IL2RA: variants seen among roughly 807,000 people sequenced by gnomAD.
IL2RA encodes interleukin-2 receptor subunit alpha.
Under a neutral mutation model 37.8 loss-of-function variants are expected in IL2RA, and 24 were observed. That is an observed-to-expected ratio of 0.63 (90% CI 0.46 to 0.89). IL2RA has a LOEUF of 0.89. Among genes scored for constraint, IL2RA ranks in the 40% least tolerant of loss-of-function variants. IL2RA has a pLI of 0.00. For missense variants in IL2RA, 319 were observed against 348.6 expected (o/e 0.92, Z 0.68); for synonymous variants, 125 against 114.6 (o/e 1.09, Z -0.58).
chr10:6,051,573 G>A (rs1388345393), intron 1 of IL2RA, among the ~76,000 whole-genome samples: 1 of 142,686 alleles, frequency 7.0e-6, no homozygotes, highest in African/African-American at 2.6e-5. Flanking sequence ...AGGCTGGAGT[G>A]CAGTGGCTCA....
In IL2RA at chr10:6,020,218, C is replaced by T. The variant is rs1839362548; in HGVS notation, c.584-277G>A. ...ATGCTTTCTCCCCAGCCTCCCTCCC[C>T]AGTCCTGGTTTCCATCTGTGACTTG... On this transcript the variant is annotated intron_variant, in intron 4 of 7. Coordinates refer to ENST00000379959, the MANE Select transcript of IL2RA (RefSeq NM_000417.3). This position sits in a 1 kb window ranked among gnomAD's most constrained non-coding sequence, Gnocchi z 5.6. 1.3e-5 allele frequency among the ~76,000 whole-genome samples: 2 copies of T among 152,186 alleles called. No individual in the cohort carries two copies. Among genetic ancestry groups the T allele is most frequent in the African/African-American group, 4.8e-5 (2 of 41,438 alleles).
chr10:6,050,016 G>T (rs141590669), intron 1 of IL2RA, among the ~76,000 whole-genome samples: 2 of 152,296 alleles, frequency 1.3e-5, no homozygotes, highest in East Asian at 3.9e-4. Context: ...TGTGCTGAGG[G>T]AACAGTCTTG....
At chr10:6,051,843 A>ATATATATATATATATATATATG (rs1839968057) in intron 1 of IL2RA, among the ~76,000 whole-genome samples, 2 of 128,064 alleles carry the variant, frequency 1.6e-5, no homozygotes, top group Non-Finnish European at 3.3e-5. Flanking sequence ...ATATATATAT[A>ATATATATATATATATATATATG]GAATTTTTTA....
chr10:6,027,913 A>G (rs1054726739), intron 1 of IL2RA, among the ~76,000 whole-genome samples: 5 of 152,324 alleles, frequency 3.3e-5, no homozygotes, highest in African/African-American at 1.2e-4. Context: ...CAAGACATGG[A>G]TAATAATCAG....
At chr10:6,043,937 C>T (rs982709456) in intron 1 of IL2RA, among the ~76,000 whole-genome samples, 2 of 152,208 alleles carry the variant, frequency 1.3e-5, no homozygotes, top group Non-Finnish European at 2.9e-5. Context: ...TAATTCTTTA[C>T]CAAAGCTTCT....
chr10:6,053,296 C>A (rs988956993), intron 1 of IL2RA, among the ~76,000 whole-genome samples: 1 of 152,138 alleles, frequency 6.6e-6, no homozygotes, highest in South Asian at 2.1e-4. Context: ...CCACAGTTCA[C>A]CAGGCAGAAA....
intron 1 of IL2RA, 62 bp downstream of exon 1, chr10:6,062,026 G>A: frequency 7.4e-7 from 1 of 1,348,434 alleles, no homozygotes; most frequent in East Asian, 2.3e-5. Flanking sequence ...CTGGTTCTGT[G>A]GCTGGGAAGA....
In IL2RA at chr10:6,015,773, G is replaced by A. The variant is rs1406768485; in HGVS notation, c.794+2280C>T. Among the ~76,000 whole-genome samples the A allele has an allele frequency of 6.6e-6, 1 of 152,202 alleles. No individual in the cohort carries two copies. The highest frequency in any genetic ancestry group is 2.4e-5 in the African/African-American group (1 of 41,458). On this transcript the variant is annotated intron_variant, in intron 7 of 7. Coordinates refer to ENST00000379959, the MANE Select transcript of IL2RA (RefSeq NM_000417.3). This position sits in a 1 kb window ranked among gnomAD's most constrained non-coding sequence, Gnocchi z 4.9. ...CAAGTTTGAAAACCAATGGCCGGGT[G>A]TAGGGTTGTCAAACCTGGATGCATA...
Position 6,028,553 on chromosome 10 carries a change from AAATGCAT to A in IL2RA, c.65-2535_65-2529del, listed in dbSNP as rs1197450369. Reference sequence around the variant, plus strand: ...AGTCATTTAACTGCCTGGCAGAGCAAAATGCATTACCTTTTAAAGGACCATAAGATAA... The same window carrying A: ...AGTCATTTAACTGCCTGGCAGAGCAATACCTTTTAAAGGACCATAAGATAA... On this transcript the variant is annotated intron_variant, in intron 1 of 7. Transcript: ENST00000379959. The surrounding 1 kb of genome is among the most constrained non-coding windows in gnomAD (Gnocchi z 4.1). Among the ~76,000 whole-genome samples, 2 of 152,244 alleles carry A rather than the reference AAATGCAT, an allele frequency of 1.3e-5. No individual in the cohort carries two copies. The highest frequency in any genetic ancestry group is 6.5e-5 in the Admixed American group (1 of 15,282).
rs1384669832 is a variant in IL2RA at position 6,057,319 on chromosome 10, G to A, written c.64+4769C>T. 6.6e-6 allele frequency among the ~76,000 whole-genome samples: 1 copy of A among 152,218 alleles called. No homozygotes were observed. The highest frequency in any genetic ancestry group is 1.5e-5 in the Non-Finnish European group (1 of 68,044). On this transcript the variant is annotated intron_variant, in intron 1 of 7. Transcript: ENST00000379959. This position sits in a 1 kb window ranked among gnomAD's most constrained non-coding sequence, Gnocchi z 4.8. ...GGCTGCCAGGCAGTACTTCTTCAGAGCTGGAAATAACCCACAATGAGACAT... is the reference window on the plus strand; with the variant it reads ...GGCTGCCAGGCAGTACTTCTTCAGAACTGGAAATAACCCACAATGAGACAT...
intron 1 of IL2RA, among the ~76,000 whole-genome samples, chr10:6,051,814 C>T (rs1839963621): frequency 1.3e-4 from 1 of 7,678 alleles, no homozygotes; most frequent in Non-Finnish European, 4.4e-4. Flanking sequence ...CCATCATGCC[C>T]AGCTATATAT....
intron 1 of IL2RA, among the ~76,000 whole-genome samples, chr10:6,034,340 G>C (rs1390836581): frequency 4.6e-5 from 7 of 152,160 alleles, no homozygotes; most frequent in Admixed American, 1.3e-4. Flanking sequence ...GGCCTTGTCA[G>C]GAAGTGCCAA....
Position 6,019,983 on chromosome 10 carries a change from G to A in IL2RA, c.584-42C>T, listed in dbSNP as rs748068303. 3 of 1,554,400 alleles carry A rather than the reference G, an allele frequency of 1.9e-6. No individual in the cohort carries two copies. The Admixed American group carries it at 5.0e-5, about 26-fold the overall frequency. The stretch of plus-strand genomic sequence containing the variant: ...GTGATGCTGGTGGAGCTAAACACAG[G>A]AGTCAGGGCCTCACTCCCACCCCGC... On this transcript the variant is annotated intron_variant, in intron 4 of 7. Coordinates refer to ENST00000379959, the MANE Select transcript of IL2RA (RefSeq NM_000417.3).
At position 6,050,337 on chromosome 10, in the gene IL2RA, C is replaced by T. The variant is rs145649223; in HGVS notation, c.64+11751G>A. The stretch of plus-strand genomic sequence containing the variant: ...TGCCTCATGGTCTCAGTTTCCTCAT[C>T]CGTAAAATGGGAATGGTGGCAGGGC... On this transcript the variant is annotated intron_variant, in intron 1 of 7. Coordinates refer to ENST00000379959, the MANE Select transcript of IL2RA (RefSeq NM_000417.3). Among the ~76,000 whole-genome samples, 4 of 152,256 alleles carry T rather than the reference C, an allele frequency of 2.6e-5. No individual in the cohort carries two copies. In the East Asian group the frequency reaches 7.7e-4, roughly 29 times the overall value.
In IL2RA at chr10:6,012,979, G is replaced by T. The variant is rs141539913; in HGVS notation, c.795-83C>A. On this transcript the variant is annotated intron_variant, in intron 7 of 7. Coordinates refer to ENST00000379959, the MANE Select transcript of IL2RA (RefSeq NM_000417.3). This position sits in a 1 kb window ranked among gnomAD's most constrained non-coding sequence, Gnocchi z 4.8. ...GTCCTCACTCTAAACCAGTGCACAC[G>T]CCACCATGCCTGGCTAATTTTTGTA... 1.8e-4 allele frequency: 232 copies of T among 1,289,524 alleles called. 2 individuals carry two copies. The African/African-American group carries it at 2.2e-3, about 12-fold the overall frequency. 79.9% of individuals were successfully genotyped at this position (1,289,524 alleles called of 1,614,324 possible). A position where few individuals can be genotyped will look rare whatever the true frequency, so the allele number is the denominator to read the frequency against.
chr10:6,023,472 A>G (rs928385114), intron 3 of IL2RA, among the ~76,000 whole-genome samples: 1 of 152,152 alleles, frequency 6.6e-6, no homozygotes, highest in Non-Finnish European at 1.5e-5. Context: ...AGTAGCTGGG[A>G]CTACAGGCAT....
At chr10:6,051,900 G>C (rs1196773655) in intron 1 of IL2RA, among the ~76,000 whole-genome samples, 1 of 140,130 alleles carries the variant, frequency 7.1e-6, no homozygotes, top group African/African-American at 2.7e-5. Context: ...ATGTAAACTG[G>C]ACTAATACGA....
Position 6,012,242 on chromosome 10 carries a change from A to G in IL2RA, c.*630T>C, listed in dbSNP as rs1286226144. ...TATTCTGCCATGGCCTCTGTTTTTT[A>G]GAAATTCAAGACTGAAGGCTCAGTA... On this transcript the variant is annotated 3_prime_UTR_variant, in exon 8 of 8. Transcript: ENST00000379959. The surrounding 1 kb of genome is among the most constrained non-coding windows in gnomAD (Gnocchi z 4.8). 1 of 152,894 alleles carries G rather than the reference A, an allele frequency of 6.5e-6. No individual in the cohort carries two copies. The highest frequency in any genetic ancestry group is 2.4e-5 in the African/African-American group (1 of 41,448). 9.5% of individuals were successfully genotyped at this position (152,894 alleles called of 1,614,324 possible). A position where few individuals can be genotyped will look rare whatever the true frequency, so the allele number is the denominator to read the frequency against.
Position 6,054,906 on chromosome 10 carries a change from A to C in IL2RA, c.64+7182T>G, listed in dbSNP as rs1015428570. Reference sequence around the variant, plus strand: ...GAGGCAGAGTCTCACTATGTTGCCCAGGCTGGTTTTGAACTCCTGGGCTCA... The same window carrying C: ...GAGGCAGAGTCTCACTATGTTGCCCCGGCTGGTTTTGAACTCCTGGGCTCA... On this transcript the variant is annotated intron_variant, in intron 1 of 7. Transcript: ENST00000379959. This position sits in a 1 kb window ranked among gnomAD's most constrained non-coding sequence, Gnocchi z 4.5. 3.9e-5 allele frequency among the ~76,000 whole-genome samples: 6 copies of C among 152,106 alleles called. No homozygotes were observed. Among genetic ancestry groups the C allele is most frequent in the African/African-American group, 1.4e-4 (6 of 41,428 alleles).
Sources: allele counts gnomAD v4.1 joint callset (sites outside exome capture counted in the v4.1 genomes callset), GRCh38; gene constraint gnomAD v4.1.1; non-coding constraint Gnocchi (gnomAD v3.1); transcripts MANE v1.5; gene names NCBI Gene and HGNC (gene_info 2026-07-23, HGNC 2026-07-21).